The following SERPINF2 variants were observed in gnomAD, a reference collection of about 807,000 sequenced individuals.
SERPINF2 encodes the protein alpha-2-antiplasmin.
Under a neutral mutation model 45.0 loss-of-function variants are expected in SERPINF2, and 15 were observed. That is an observed-to-expected ratio of 0.33 (90% confidence interval 0.22 to 0.51). The LOEUF is 0.51. Among genes scored for constraint, SERPINF2 ranks in the 20% least tolerant of loss-of-function variants. The pLI, the probability that SERPINF2 is intolerant of heterozygous loss-of-function variation, is 0.97. For synonymous variants in SERPINF2, 283 were observed against 277.9 expected, an observed-to-expected ratio of 1.02 and a Z score of -0.18; for missense variants, 518 against 637.4, an observed-to-expected ratio of 0.81 and a Z score of 2.02.
intron 8 of SERPINF2, among the ~76,000 whole-genome samples, chr17:1,751,983 C>T (rs1567743308): frequency 7.2e-6 from 1 of 138,376 alleles, no homozygotes; most frequent in Non-Finnish European, 1.6e-5. Flanking sequence ...CAGCTGGTAG[C>T]CGGTGAAGAG....
At chr17:1,744,610 AGTTAC>A in intron 1 of SERPINF2, 2 of 985,440 alleles carry the variant, frequency 2.0e-6, no homozygotes, top group Non-Finnish European at 2.4e-6. Context: ...AGCCTGGTGG[AGTTAC>A]GGGAAATGCC....
intron 5 of SERPINF2, 100 bp from the exon 6 acceptor site, chr17:1,746,919 C>T (rs924509914): frequency 1.3e-5 from 19 of 1,459,940 alleles, no homozygotes; most frequent in East Asian, 1.2e-4. Flanking sequence ...CGTGTGGTCC[C>T]GTGGACGTCC....
rs762021412 is a variant in SERPINF2 at position 1,754,433 on chromosome 17, A to C, written c.1375A>C (p.Ser459Arg). ...CCCGGGCAACAAGGACTTCCTCCAG[A>C]GCCTGAAAGGCTTCCCCCGCGGAGA... ...DSPGNKDFLQSLKGFPRGDKL... is the reference protein window; with the variant it reads ...DSPGNKDFLQRLKGFPRGDKL... Residue 459 changes from serine (S) to arginine (R), a missense_variant, in exon 10 of 10, where the codon AGC becomes CGC. Ser to Arg is a moderately radical substitution (Grantham distance 110, BLOSUM62 -1). This residue lies in a region of SERPINF2 where 83 missense variants were observed against 60.0 expected (regional missense o/e 1.38). Coordinates refer to ENST00000453066, the MANE Select transcript of SERPINF2 (RefSeq NM_000934.4). The C allele has an allele frequency of 1.9e-6, 3 of 1,612,040 alleles. No individual in the cohort carries two copies. The South Asian group carries it at 3.3e-5, about 18-fold the overall frequency.
chr17:1,747,242 G>A, intron 6 of SERPINF2, 67 bp from the exon 7 acceptor site: 1 of 1,609,946 alleles, frequency 6.2e-7, no homozygotes. Flanking sequence ...GCCTCTGGTA[G>A]CGAGTAGGGG....
At chr17:1,743,318 G>C (rs1370826299) in intron 1 of SERPINF2, among the ~76,000 whole-genome samples, 1 of 152,244 alleles carries the variant, frequency 6.6e-6, no homozygotes, top group African/African-American at 2.4e-5. Context: ...GGGCTCTGCT[G>C]CTGGGTCAAA....
chr17:1,746,978 A>G (rs1225142595), intron 5 of SERPINF2, 41 bp from the exon 6 acceptor site: 3 of 1,594,802 alleles, frequency 1.9e-6, no homozygotes, highest in Non-Finnish European at 2.6e-6. Context: ...GGGGTGAGAA[A>G]GGACCCGCAG....
rs143256930 is a variant in SERPINF2, at chr17:1,754,410, C to G, written c.1352C>G (p.Pro451Arg). The change falls in exon 10 of 10, where the codon CCG becomes CGG. Residue 451 changes from proline (P) to arginine (R), a missense_variant. Around this residue, in one of 2 missense-constraint regions of SERPINF2, gnomAD observed 83 missense variants for 60.0 expected, o/e 1.38. Coordinates refer to ENST00000453066, the MANE Select transcript of SERPINF2 (RefSeq NM_000934.4). ...GAGCTCAAGGAACAGCAGGATTCCCCGGGCAACAAGGACTTCCTCCAGAGC... is the reference window on the plus strand; with the variant it reads ...GAGCTCAAGGAACAGCAGGATTCCCGGGGCAACAAGGACTTCCTCCAGAGC... ...PRELKEQQDS[P>R]GNKDFLQSLK... 1.2e-6 allele frequency: 2 copies of G among 1,613,270 alleles called. No homozygotes were observed. Among genetic ancestry groups the G allele is most frequent in the Non-Finnish European group, 1.7e-6 (2 of 1,179,368 alleles).
At chr17:1,752,192 C>A (rs1325445230) in intron 8 of SERPINF2, among the ~76,000 whole-genome samples, 1 of 151,970 alleles carries the variant, frequency 6.6e-6, no homozygotes, top group Non-Finnish European at 1.5e-5. Context: ...GCTGCGATTA[C>A]AAGCGCCCGT....
chr17:1,752,781 A>G lies in SERPINF2; in HGVS notation c.1054A>G (p.Ser352Gly). 6.2e-7 allele frequency: 1 copy of G among 1,610,036 alleles called. No individual in the cohort carries two copies. The change falls in exon 9 of 10, where the codon AGC (serine) becomes GGC (glycine). Residue 352 changes from serine to glycine, a missense_variant. Ser to Gly is a moderately conservative substitution (Grantham distance 56). Around this residue, in one of 2 missense-constraint regions of SERPINF2, gnomAD observed 435 missense variants for 577.3 expected, o/e 0.75. Coordinates refer to ENST00000453066, the MANE Select transcript of SERPINF2 (RefSeq NM_000934.4). ...KHQMDLVATL[S>G]QLGLQELFQA... is the part of the protein sequence containing the mutation. ...CCAAATGGACCTGGTGGCCACCCTC[A>G]GCCAGCTGGGTAAGGAGGAGGGTGC... is the stretch of plus-strand genomic sequence containing the variant.
intron 9 of SERPINF2, among the ~76,000 whole-genome samples, chr17:1,753,861 A>G (rs553535682): frequency 1.3e-5 from 2 of 152,338 alleles, no homozygotes; most frequent in Admixed American, 6.5e-5. Context: ...AGCATAAGCG[A>G]TAAGACAGAG....
intron 9 of SERPINF2, among the ~76,000 whole-genome samples, chr17:1,753,192 C>T (rs1339155626): frequency 6.6e-6 from 1 of 152,138 alleles, no homozygotes; most frequent in Non-Finnish European, 1.5e-5. Flanking sequence ...ATTGCTTGAG[C>T]CCGGGAGTCC....
At position 1,744,441 on chromosome 17, in the gene SERPINF2, C is replaced by T. The variant is rs191847681; in HGVS notation, c.-4-551C>T. ...CTGGGAGGTGGAGGTTGCGGTGAGC[C>T]GAGATCCTGCCACTGCACTCCAGCC... On this transcript the variant is annotated intron_variant, in intron 1 of 9. Transcript: ENST00000453066. The T allele has an allele frequency of 1.0e-3, 577 of 576,130 alleles. 4 individuals carry two copies. In the African/African-American group the frequency reaches 0.011, roughly 11 times the overall value. The allele number at this position is 576,130 out of a possible 1,614,324, so 35.7% of individuals were successfully genotyped here. A position where few individuals can be genotyped will look rare whatever the true frequency, so the allele number is the denominator to read the frequency against.
In SERPINF2 at chr17:1,748,613, A is replaced by G. The variant is rs369334287; in HGVS notation, c.731A>G (p.Lys244Arg). ...TGGGTTTCAGGTTTCTGGAGGAACAAGTTTGACCCGAGCCTTACCCAGAGA... is the reference window on the plus strand; with the variant it reads ...TGGGTTTCAGGTTTCTGGAGGAACAGGTTTGACCCGAGCCTTACCCAGAGA... ...AIHFQGFWRN[K>R]FDPSLTQRDS... The change falls in exon 8 of 10, where the codon AAG becomes AGG. Residue 244 changes from lysine to arginine, a missense_variant. Transcript: ENST00000453066. 5 of 1,613,796 alleles carry G rather than the reference A, an allele frequency of 3.1e-6. No individual in the cohort carries two copies. Among genetic ancestry groups the G allele is most frequent in the Non-Finnish European group, 4.2e-6 (5 of 1,180,052 alleles).
rs998141226 is a variant in SERPINF2 at position 1,747,225 on chromosome 17, G to A, written c.511+63G>A. ...CTGGGTGGAGGAGGGTGAGAGCAAG[G>A]GGCTGGGCCTCTGGTAGCGAGTAGG... On this transcript the variant is annotated intron_variant, in intron 6 of 9. Coordinates refer to ENST00000453066, the MANE Select transcript of SERPINF2 (RefSeq NM_000934.4). 9 of 1,610,506 alleles carry A rather than the reference G, an allele frequency of 5.6e-6. No homozygotes were observed. In the African/African-American group the frequency reaches 6.7e-5, roughly 12 times the overall value.
In SERPINF2 at chr17:1,745,535, C is replaced by T; in HGVS notation, c.165+140C>T. The stretch of plus-strand genomic sequence containing the variant: ...CAGAAGGGAGAGAGGGTGGGGAGGA[C>T]CGAAGGTGGGCGCCAGGCCCCAGAA... On this transcript the variant is annotated intron_variant, in intron 4 of 9. Transcript: ENST00000453066. This position sits in a 1 kb window ranked among gnomAD's most constrained non-coding sequence, Gnocchi z 6.2. The T allele has an allele frequency of 1.6e-6, 2 of 1,231,284 alleles. No homozygotes were observed. Among genetic ancestry groups the T allele is most frequent in the Non-Finnish European group, 2.3e-6 (2 of 867,042 alleles). The allele number at this position is 1,231,284 out of a possible 1,614,324, so 76.3% of individuals were successfully genotyped here.
intron 8 of SERPINF2, among the ~76,000 whole-genome samples, chr17:1,748,989 C>T (rs1906124418): frequency 6.6e-6 from 1 of 152,240 alleles, no homozygotes; most frequent in African/African-American, 2.4e-5. Flanking sequence ...GTTCCAGATA[C>T]TGTTCTAAGC....
chr17:1,750,476 A>G (rs1906287490), intron 8 of SERPINF2, among the ~76,000 whole-genome samples: 1 of 149,566 alleles, frequency 6.7e-6, no homozygotes, highest in Non-Finnish European at 1.5e-5. Context: ...TTTAGTAGAG[A>G]CAGGTTTCAC....
intron 7 of SERPINF2, among the ~76,000 whole-genome samples, chr17:1,748,344 T>C (rs989226189): frequency 8.6e-5 from 13 of 150,828 alleles, no homozygotes; most frequent in Admixed American, 7.9e-4. Context: ...CCTAGGAGAA[T>C]TGCAGGGGTT....
In SERPINF2 at chr17:1,745,239, T is replaced by A. The variant is rs1285563228; in HGVS notation, c.102+26T>A. ...GTACTGGGGAGTGAGGAGCCTGTGATGGGGGGAAGGTCCCGGGGGTCTCAC... is the reference window on the plus strand; with the variant it reads ...GTACTGGGGAGTGAGGAGCCTGTGAAGGGGGGAAGGTCCCGGGGGTCTCAC... On this transcript the variant is annotated intron_variant, in intron 3 of 9. Coordinates refer to ENST00000453066, the MANE Select transcript of SERPINF2 (RefSeq NM_000934.4). The surrounding 1 kb of genome is among the most constrained non-coding windows in gnomAD (Gnocchi z 6.2). The A allele has an allele frequency of 6.4e-6, 8 of 1,253,082 alleles. No homozygotes were observed. The highest frequency in any genetic ancestry group is 8.2e-6 in the Non-Finnish European group (8 of 971,378). The allele number at this position is 1,253,082 out of a possible 1,614,324, so 77.6% of individuals were successfully genotyped here. A position where few individuals can be genotyped will look rare whatever the true frequency, so the allele number is the denominator to read the frequency against.
Sources: allele counts gnomAD v4.1 joint callset (sites outside exome capture counted in the v4.1 genomes callset), GRCh38; gene constraint gnomAD v4.1.1; regional missense constraint gnomAD v4.1.1; non-coding constraint Gnocchi (gnomAD v3.1); transcripts MANE v1.5; gene names NCBI Gene and HGNC (gene_info 2026-07-23, HGNC 2026-07-21).